The following MYO1E variants were observed in gnomAD, a reference collection of about 807,000 sequenced individuals.
The protein encoded by MYO1E is myosin IE, also known as unconventional myosin-Ie.
Under a neutral mutation model 151.1 loss-of-function variants are expected in MYO1E, and 68 were observed. That is an observed-to-expected ratio of 0.45 (90% CI 0.37 to 0.55). MYO1E has a LOEUF of 0.55. Ranked by LOEUF, MYO1E falls within the 20% of genes least tolerant of loss-of-function variation. MYO1E has a pLI of 0.00. For missense variants in MYO1E, 1,363 were observed against 1,389.3 expected (o/e 0.98, Z 0.30); for synonymous variants, 601 against 501.7 (o/e 1.20, Z -2.64).
At chr15:59,257,437 G>C (rs1337500216) in intron 3 of MYO1E, among the ~76,000 whole-genome samples, 1 of 152,186 alleles carries the variant, frequency 6.6e-6, no homozygotes. Context: ...GAATAATAGC[G>C]TCCAAGCTGC....
chr15:59,150,493 C>G (rs1325431401), intron 26 of MYO1E, among the ~76,000 whole-genome samples: 1 of 152,174 alleles, frequency 6.6e-6, no homozygotes, highest in East Asian at 1.9e-4. Context: ...CTTGCCAAAA[C>G]CAAAGTAAGT....
intron 1 of MYO1E, among the ~76,000 whole-genome samples, chr15:59,297,437 ATTTTTTT>A (rs755470049): frequency 2.0e-4 from 13 of 63,454 alleles, no homozygotes; most frequent in Admixed American, 1.3e-3. Flanking sequence ...CACCCAGCTA[ATTTTTTT>A]TTTTTTTTTT....
At chr15:59,365,508 A>C (rs1387347843) in intron 1 of MYO1E, among the ~76,000 whole-genome samples, 1 of 152,186 alleles carries the variant, frequency 6.6e-6, no homozygotes, top group African/African-American at 2.4e-5. Context: ...GCACTGGATC[A>C]GATCTAACTT....
chr15:59,215,481 G>A lies in MYO1E; in HGVS notation c.1108-761C>T, dbSNP rs541524046. Reference sequence around the variant, plus strand: ...GCCTAAATCTGTGTTCTTAATCACCGTGAGAAGAGGCCAAGCAATTCATGG... The same window carrying A: ...GCCTAAATCTGTGTTCTTAATCACCATGAGAAGAGGCCAAGCAATTCATGG... On this transcript the variant is annotated intron_variant, in intron 10 of 27. Transcript: ENST00000288235. Among the ~76,000 whole-genome samples, 5 of 152,238 alleles carry A rather than the reference G, an allele frequency of 3.3e-5. No homozygotes were observed. The South Asian group carries it at 8.3e-4, about 25-fold the overall frequency.
chr15:59,306,976 C>T (rs578173909), intron 1 of MYO1E, among the ~76,000 whole-genome samples: 16 of 152,272 alleles, frequency 1.1e-4, no homozygotes, highest in African/African-American at 3.9e-4. Flanking sequence ...GCTAATACTT[C>T]TGTGGGATGG....
At chr15:59,230,651 GAAT>G (rs1461333565) in intron 6 of MYO1E, among the ~76,000 whole-genome samples, 1 of 152,126 alleles carries the variant, frequency 6.6e-6, no homozygotes. Context: ...TGAGTAGTTT[GAAT>G]AATATTGGAA....
At chr15:59,211,007 G>C (rs28635153) in intron 12 of MYO1E, among the ~76,000 whole-genome samples, 15,661 of 151,872 alleles carry the variant, frequency 0.1, 1,172 homozygotes, top group African/African-American at 0.21. Flanking sequence ...CGAGACCATC[G>C]TGACCAACAT....
In MYO1E at chr15:59,191,797, G is replaced by A. The variant is rs191259573; in HGVS notation, c.1806-3581C>T. 1.1e-4 allele frequency among the ~76,000 whole-genome samples: 16 copies of A among 152,214 alleles called. 1 individual carries two copies. Among genetic ancestry groups the A allele is most frequent in the Non-Finnish European group, 2.1e-4 (14 of 68,008 alleles). ...GAGCACTGTCACCTCCTCAGTAGTCGTTGATCAGACAATGCCCAGTTGTTC... is the reference window on the plus strand; with the variant it reads ...GAGCACTGTCACCTCCTCAGTAGTCATTGATCAGACAATGCCCAGTTGTTC... On this transcript the variant is annotated intron_variant, in intron 17 of 27. Coordinates refer to ENST00000288235, the MANE Select transcript of MYO1E (RefSeq NM_004998.4).
Position 59,153,753 on chromosome 15 carries a change from G to A in MYO1E, c.2917C>T (p.Pro973Ser), listed in dbSNP as rs764257635. Residue 973 changes from proline to serine, a missense_variant, in exon 26 of 28, where the codon CCA becomes TCA. Transcript: ENST00000288235. Reference sequence around the variant, plus strand: ...TGGCTTCCAGGAGCATGGGGATATGGCACATACTGGTTTCTGATGACTCCG... The same window carrying A: ...TGGCTTCCAGGAGCATGGGGATATGACACATACTGGTTTCTGATGACTCCG... ...QNGVIRNQYVPYPHAPGSQRS... is the reference protein window; with the variant it reads ...QNGVIRNQYVSYPHAPGSQRS... 1 of 1,614,038 alleles carries A rather than the reference G, an allele frequency of 6.2e-7. No individual in the cohort carries two copies. The highest frequency in any genetic ancestry group is 8.5e-7 in the Non-Finnish European group (1 of 1,179,920).
chr15:59,213,160 ATTATTATTAT>A (rs1458610857), intron 12 of MYO1E, among the ~76,000 whole-genome samples: 1 of 147,122 alleles, frequency 6.8e-6, no homozygotes, highest in Non-Finnish European at 1.5e-5. Flanking sequence ...TATTATTATT[ATTATTATTAT>A]TATTATTATT....
chr15:59,311,540 G>A (rs7178427), intron 1 of MYO1E, among the ~76,000 whole-genome samples: 95,143 of 151,922 alleles, frequency 0.63, 30,481 homozygotes, highest in Middle Eastern at 0.71. Flanking sequence ...TCTGAAGCAG[G>A]CAGAAGGACC....
At chr15:59,151,107 A>G (rs553031675) in intron 26 of MYO1E, among the ~76,000 whole-genome samples, 21 of 152,038 alleles carry the variant, frequency 1.4e-4, no homozygotes, top group Admixed American at 1.3e-3. Context: ...CATCCACTCT[A>G]CTGATGGCTG....
At chr15:59,165,036 A>C (rs2079556228) in intron 22 of MYO1E, among the ~76,000 whole-genome samples, 1 of 152,204 alleles carries the variant, frequency 6.6e-6, no homozygotes, top group South Asian at 2.1e-4. Context: ...CTATAAAGAA[A>C]AGACTGGGCC....
intron 18 of MYO1E, among the ~76,000 whole-genome samples, chr15:59,180,827 C>T (rs796411464): frequency 6.6e-6 from 1 of 152,238 alleles, no homozygotes; most frequent in African/African-American, 2.4e-5. Context: ...CCCTGCCTAA[C>T]TGGTGCCTGT....
chr15:59,190,238 C>T (rs1345751807), intron 17 of MYO1E, among the ~76,000 whole-genome samples: 5 of 152,168 alleles, frequency 3.3e-5, no homozygotes, highest in East Asian at 1.9e-4. Flanking sequence ...CTCTCTCTTT[C>T]GAAGATGGAA....
At chr15:59,362,037 A>G (rs1213767184) in intron 1 of MYO1E, among the ~76,000 whole-genome samples, 2 of 152,028 alleles carry the variant, frequency 1.3e-5, no homozygotes, top group East Asian at 3.9e-4. Flanking sequence ...GGGTTTCGCT[A>G]TGTTGGCTAG....
At chr15:59,275,965 G>A (rs2080316179) in intron 1 of MYO1E, among the ~76,000 whole-genome samples, 1 of 152,174 alleles carries the variant, frequency 6.6e-6, no homozygotes, top group Non-Finnish European at 1.5e-5. Context: ...AATGCCAGGA[G>A]TTACATGGGC....
chr15:59,144,636 T>C (rs1489487734), intron 26 of MYO1E, among the ~76,000 whole-genome samples: 8 of 151,880 alleles, frequency 5.3e-5, no homozygotes, highest in Non-Finnish European at 1.2e-4. Flanking sequence ...TACAGAGAGC[T>C]CTCAACAGCA....
At chr15:59,343,935 A>G (rs1217332213) in intron 1 of MYO1E, among the ~76,000 whole-genome samples, 1 of 152,186 alleles carries the variant, frequency 6.6e-6, no homozygotes, top group Non-Finnish European at 1.5e-5. Context: ...CTTGAATTTG[A>G]GTTTCCTCAA....
Sources: allele counts gnomAD v4.1 joint callset (sites outside exome capture counted in the v4.1 genomes callset), GRCh38; gene constraint gnomAD v4.1.1; transcripts MANE v1.5; gene names NCBI Gene and HGNC (gene_info 2026-07-23, HGNC 2026-07-21).